Variants in TRAF3IP3 observed in about 807,000 individuals in gnomAD.
TRAF3IP3 encodes TRAF3 interacting protein 3.
In TRAF3IP3, 64 loss-of-function variants were observed where a neutral mutation model predicts 86.5. The observed-to-expected ratio is 0.74, with a 90% CI of 0.60 to 0.91. TRAF3IP3 has a LOEUF of 0.91. Ranked by LOEUF, TRAF3IP3 falls within the 40% of genes least tolerant of loss-of-function variation. TRAF3IP3 has a pLI of 0.00. For missense variants in TRAF3IP3, 579 were observed against 642.9 expected, an observed-to-expected ratio of 0.90 and a Z score of 1.07; for synonymous variants, 220 against 243.9, an observed-to-expected ratio of 0.90 and a Z score of 0.91.
At chr1:209,756,611 T>C (rs1014838571) in intron 1 of TRAF3IP3, among the ~76,000 whole-genome samples, 2 of 151,424 alleles carry the variant, frequency 1.3e-5, no homozygotes, top group Non-Finnish European at 2.9e-5. Flanking sequence ...TTAAATGACC[T>C]TTTACAGTTT....
chr1:209,771,983 GTGTGTGCAGGTGGAAGTGTA>G (rs1353521175), intron 8 of TRAF3IP3, among the ~76,000 whole-genome samples: 2 of 145,670 alleles, frequency 1.4e-5, no homozygotes, highest in African/African-American at 2.5e-5. Context: ...GTGGAGGTAC[GTGTGTGCAGGTGGAAGTGTA>G]TGTGTGCAGG....
intron 12 of TRAF3IP3, chr1:209,777,828 G>A: frequency 1.9e-6 from 1 of 534,066 alleles, no homozygotes; most frequent in Non-Finnish European, 3.3e-6. Context: ...ACAAGGCATA[G>A]AGAAAGTCTC....
chr1:209,763,015 CT>C, intron 5 of TRAF3IP3, 52 bp from the exon 6 acceptor site: 2 of 1,605,628 alleles, frequency 1.2e-6, no homozygotes, highest in Non-Finnish European at 1.7e-6. Flanking sequence ...CCACTGCCTC[CT>C]GACTTGATTC....
chr1:209,773,780 G>T (rs1468311333), intron 9 of TRAF3IP3, among the ~76,000 whole-genome samples: 1 of 152,172 alleles, frequency 6.6e-6, no homozygotes, highest in Non-Finnish European at 1.5e-5. Flanking sequence ...AACTTGCTTT[G>T]TCAGGACTAA....
chr1:209,778,035 A>T, intron 12 of TRAF3IP3, 76 bp from the exon 13 acceptor site: 1 of 1,258,846 alleles, frequency 7.9e-7, no homozygotes, highest in Non-Finnish European at 1.2e-6. Context: ...AGCATCTATT[A>T]CTAATTTCCA....
chr1:209,777,727 C>A, intron 12 of TRAF3IP3: 1 of 504,234 alleles, frequency 2.0e-6, no homozygotes, highest in East Asian at 3.3e-5. Context: ...TTTTTTAGCC[C>A]ATCCCTCTGG....
intron 3 of TRAF3IP3, among the ~76,000 whole-genome samples, chr1:209,760,821 C>T (rs951219209): frequency 6.6e-6 from 1 of 152,014 alleles, no homozygotes; most frequent in African/African-American, 2.4e-5. Flanking sequence ...GTAGTCCTAA[C>T]TAATCAGGAG....
Position 209,777,275 on chromosome 1 carries a change from T to C in TRAF3IP3, c.1054-77T>C, listed in dbSNP as rs1401212751. 37 of 1,333,030 alleles carry C rather than the reference T, an allele frequency of 2.8e-5. No homozygotes were observed. In the East Asian group the frequency reaches 7.8e-4, roughly 28 times the overall value. The allele number at this position is 1,333,030 out of a possible 1,614,324, so 82.6% of individuals were successfully genotyped here. The stretch of plus-strand genomic sequence containing the variant: ...AATTCCAGACTTTTCTACATTTTCC[T>C]CTTCCATGGTACCCGCCCCCCAACC... On this transcript the variant is annotated intron_variant, in intron 11 of 16. Transcript: ENST00000367025.
At chr1:209,760,485 T>A in intron 3 of TRAF3IP3, 101 bp downstream of exon 3, 1 of 994,610 alleles carries the variant, frequency 1.0e-6, no homozygotes, top group Non-Finnish European at 1.5e-6. Context: ...CTAAATCAAG[T>A]CCTTCTTCCT....
chr1:209,781,834 A>G (rs1381561635), intron 16 of TRAF3IP3: 2 of 564,214 alleles, frequency 3.5e-6, no homozygotes, highest in Non-Finnish European at 6.3e-6. Context: ...CAGTATTTAT[A>G]TATCTGGTCC....
intron 15 of TRAF3IP3, 23 bp from the exon 16 acceptor site, chr1:209,781,322 G>C: frequency 6.5e-7 from 1 of 1,532,008 alleles, no homozygotes; most frequent in Non-Finnish European, 9.0e-7. Flanking sequence ...TGACAGTGAT[G>C]ACTTTGGTGA....
In TRAF3IP3 at chr1:209,772,636, G is replaced by A. The variant is rs1445432618; in HGVS notation, c.703-312G>A. 2.0e-5 allele frequency among the ~76,000 whole-genome samples: 3 copies of A among 152,128 alleles called. No homozygotes were observed. In the East Asian group the frequency reaches 5.8e-4, roughly 29 times the overall value. On this transcript the variant is annotated intron_variant, in intron 8 of 16. Transcript: ENST00000367025. ...AGTGCCTAGACAGGGGAGGGAGATA[G>A]TGAGCGAAAGGGTAGCTTAGAAGCT...
At position 209,778,181 on chromosome 1, in the gene TRAF3IP3, C is replaced by A. The variant is rs769006404; in HGVS notation, c.1252+8C>A. 3 of 1,613,432 alleles carry A rather than the reference C, an allele frequency of 1.9e-6. No homozygotes were observed. The South Asian group carries it at 3.3e-5, about 18-fold the overall frequency. On this transcript the variant is annotated splice_region_variant and intron_variant, in intron 13 of 16. Coordinates refer to ENST00000367025, the MANE Select transcript of TRAF3IP3 (RefSeq NM_025228.4). Reference sequence around the variant, plus strand: ...GAGTACAGCAGTTGCAGGGTAAGTTCGCTTTCCAGATTCTGAAAGTCCACA... The same window carrying A: ...GAGTACAGCAGTTGCAGGGTAAGTTAGCTTTCCAGATTCTGAAAGTCCACA...
chr1:209,778,200 G>C, intron 13 of TRAF3IP3, 27 bp downstream of exon 13: 1 of 1,610,004 alleles, frequency 6.2e-7, no homozygotes, highest in Non-Finnish European at 8.5e-7. Flanking sequence ...GATTCTGAAA[G>C]TCCACAGGGT....
In TRAF3IP3 at chr1:209,780,325, T is replaced by G. The variant is rs184570571; in HGVS notation, c.1313-145T>G. On this transcript the variant is annotated intron_variant, in intron 14 of 16. Transcript: ENST00000367025. ...GCAGGGGCCTACTGGAAGTTAACCT[T>G]TATGTCAGAGAATGCCATCAGTCTA... 4.2e-5 allele frequency: 28 copies of G among 674,528 alleles called. No homozygotes were observed. In the East Asian group the frequency reaches 8.1e-4, roughly 20 times the overall value. The allele number at this position is 674,528 out of a possible 1,614,324, so 41.8% of individuals were successfully genotyped here.
rs2077575367 is a variant in TRAF3IP3 at position 209,772,851 on chromosome 1, C to G, written c.703-97C>G. 19 of 1,058,858 alleles carry G rather than the reference C, an allele frequency of 1.8e-5. No homozygotes were observed. The East Asian group carries it at 4.8e-4, about 27-fold the overall frequency. The allele number at this position is 1,058,858 out of a possible 1,614,324, so 65.6% of individuals were successfully genotyped here. A position where few individuals can be genotyped will look rare whatever the true frequency, so the allele number is the denominator to read the frequency against. On this transcript the variant is annotated intron_variant, in intron 8 of 16. Transcript: ENST00000367025. ...CCTGAAAGAGTTCACTGTTTGAGCA[C>G]CAACCATGTGCTGGGCAGTAGAATA...
At chr1:209,770,913 C>G (rs2077479848) in intron 8 of TRAF3IP3, among the ~76,000 whole-genome samples, 1 of 128,732 alleles carries the variant, frequency 7.8e-6, no homozygotes, top group African/African-American at 3.0e-5. Context: ...TGTGCGTGTG[C>G]AGGTGAAGGT....
Position 209,779,496 on chromosome 1 carries a change from G to C in TRAF3IP3, c.1312+122G>C, listed in dbSNP as rs758784098. 6 of 817,162 alleles carry C rather than the reference G, an allele frequency of 7.3e-6. No homozygotes were observed. In the African/African-American group the frequency reaches 8.5e-5, roughly 12 times the overall value. 50.6% of individuals were successfully genotyped at this position (817,162 alleles called of 1,614,324 possible). A position where few individuals can be genotyped will look rare whatever the true frequency, so the allele number is the denominator to read the frequency against. ...CAGTTCTGGGAGTCTGTTAAGTCCG[G>C]GATGTGTGGGAGCTTTTTAAGGACT... is the stretch of plus-strand genomic sequence containing the variant. On this transcript the variant is annotated intron_variant, in intron 14 of 16. Coordinates refer to ENST00000367025, the MANE Select transcript of TRAF3IP3 (RefSeq NM_025228.4).
At chr1:209,779,240 T>G in intron 13 of TRAF3IP3, 75 bp from the exon 14 acceptor site, 1 of 1,253,392 alleles carries the variant, frequency 8.0e-7, no homozygotes, top group Non-Finnish European at 1.1e-6. Context: ...ACCAAGGTTC[T>G]AAGCAAAGTT....
Sources: allele counts gnomAD v4.1 joint callset (sites outside exome capture counted in the v4.1 genomes callset), GRCh38; gene constraint gnomAD v4.1.1; transcripts MANE v1.5; gene names NCBI Gene and HGNC (gene_info 2026-07-23, HGNC 2026-07-21).